ZKSCAN2: variants seen among roughly 807,000 people sequenced by gnomAD.
The protein encoded by ZKSCAN2 is zinc finger with KRAB and SCAN domains 2.
In ZKSCAN2, 38 loss-of-function variants were observed where a neutral mutation model predicts 90.5. The observed-to-expected ratio is 0.42, with a 90% CI of 0.32 to 0.55. The LOEUF (loss-of-function observed/expected upper bound fraction) is 0.55. Among genes scored for constraint, ZKSCAN2 ranks in the 20% least tolerant of loss-of-function variants. The pLI is 0.11. For missense variants in ZKSCAN2, 1,167 were observed against 1,202.6 expected (o/e 0.97, Z 0.44); for synonymous variants, 429 against 421.6 (o/e 1.02, Z -0.22).
rs762967904 is a variant in ZKSCAN2 at position 25,256,821 on chromosome 16, C to T, written c.307G>A (p.Ala103Thr). Residue 103 changes from alanine (A) to threonine (T), a missense_variant, in exon 1 of 7, where the codon GCT (alanine) becomes ACT (threonine). Ala to Thr is a moderately conservative substitution (Grantham distance 58, BLOSUM62 0). Transcript: ENST00000328086. ...FLTILPEKIQ[A>T]WAQKQCPQSG... ...TGCGGACACTGCTTCTGTGCCCAAGCCTGAATCTTCTCGGGTAAAATGGTG... is the reference window on the plus strand; with the variant it reads ...TGCGGACACTGCTTCTGTGCCCAAGTCTGAATCTTCTCGGGTAAAATGGTG... 17 of 1,614,220 alleles carry T rather than the reference C, an allele frequency of 1.1e-5. No individual in the cohort carries two copies. The highest frequency in any genetic ancestry group is 1.6e-4 in the Middle Eastern group (1 of 6,062).
At chr16:25,243,270 C>G (rs568825015) in intron 6 of ZKSCAN2, among the ~76,000 whole-genome samples, 1 of 152,186 alleles carries the variant, frequency 6.6e-6, no homozygotes, top group Non-Finnish European at 1.5e-5. Context: ...AGGCTGAGAA[C>G]CCAAGGACTG....
chr16:25,242,716 T>G (rs190693507), intron 6 of ZKSCAN2, among the ~76,000 whole-genome samples: 2 of 151,866 alleles, frequency 1.3e-5, no homozygotes, highest in Non-Finnish European at 2.9e-5. Flanking sequence ...ATAAGCAGAG[T>G]TGAGGAAGGA....
intron 1 of ZKSCAN2, 54 bp from the exon 2 acceptor site, chr16:25,255,446 C>A: frequency 5.2e-6 from 8 of 1,534,820 alleles, no homozygotes; most frequent in East Asian, 2.3e-5. Context: ...CATATCAGGG[C>A]GAAATTCTCC....
Position 25,239,967 on chromosome 16 carries a change from G to A in ZKSCAN2, c.2753C>T (p.Ala918Val). The change falls in exon 7 of 7, where the codon GCC becomes GTC. Residue 918 changes from alanine (A) to valine (V), a missense_variant. Ala to Val is a moderately conservative substitution (Grantham distance 64). Transcript: ENST00000328086. ...IHTGEKPYGC[A>V]QCGKRFSKSS... ...CTTACTGAAACGTTTGCCACACTGG[G>A]CACATCCATAGGGCTTCTCTCCAGT... 6.2e-7 allele frequency: 1 copy of A among 1,614,146 alleles called. No homozygotes were observed. Among genetic ancestry groups the A allele is most frequent in the Non-Finnish European group, 8.5e-7 (1 of 1,180,034 alleles).
rs1597636640 is a variant in ZKSCAN2, at chr16:25,237,596, C to G, written c.*2220G>C. ...CTGAGCTCCTGGCCTTCTGTAACTG[C>G]CATGGTGTAAGTGGCCCCAACTTTT... is the stretch of plus-strand genomic sequence containing the variant. On this transcript the variant is annotated 3_prime_UTR_variant, in exon 7 of 7. Transcript: ENST00000328086. 6.6e-6 allele frequency: 1 copy of G among 152,160 alleles called. No homozygotes were observed. The highest frequency in any genetic ancestry group is 2.4e-5 in the African/African-American group (1 of 41,428). 9.4% of individuals were successfully genotyped at this position (152,160 alleles called of 1,614,324 possible).
rs1962939019 is a variant in ZKSCAN2 at position 25,246,757 on chromosome 16, A to C, written c.1439T>G (p.Ile480Ser). The change falls in exon 5 of 7, where the codon ATC becomes AGC. Residue 480 changes from isoleucine (I) to serine (S), a missense_variant. Transcript: ENST00000328086. ...SDDDEIGIEF[I>S]RKSEIHGAPV... The stretch of plus-strand genomic sequence containing the variant: ...GGCACCATGGATTTCAGACTTGCGG[A>C]TAAATTCGATGCCTATTTCATCATC... The C allele has an allele frequency of 1.2e-6, 2 of 1,614,116 alleles. No individual in the cohort carries two copies. The highest frequency in any genetic ancestry group is 1.7e-5 in the Admixed American group (1 of 60,006).
At chr16:25,256,465 T>C (rs1009075660) in intron 1 of ZKSCAN2, among the ~76,000 whole-genome samples, 7 of 152,094 alleles carry the variant, frequency 4.6e-5, no homozygotes, top group East Asian at 1.9e-4. Context: ...ATGCCAAAGA[T>C]GACGATAAAT....
In ZKSCAN2 at chr16:25,238,761, G is replaced by A. The variant is rs1414335099; in HGVS notation, c.*1055C>T. On this transcript the variant is annotated 3_prime_UTR_variant, in exon 7 of 7. Transcript: ENST00000328086. ...ATCTGATCGACAGCAGGCCAAAGGA[G>A]TCCAACTGGTCTTAGAAATGCTTCA... The A allele has an allele frequency of 6.6e-6, 1 of 152,222 alleles. No individual in the cohort carries two copies. Among genetic ancestry groups the A allele is most frequent in the African/African-American group, 2.4e-5 (1 of 41,448 alleles). 9.4% of individuals were successfully genotyped at this position (152,222 alleles called of 1,614,324 possible). A position where few individuals can be genotyped will look rare whatever the true frequency, so the allele number is the denominator to read the frequency against.
Position 25,240,178 on chromosome 16 carries a change from T to C in ZKSCAN2, c.2542A>G (p.Ile848Val). The change falls in exon 7 of 7, where the codon ATA (isoleucine) becomes GTA (valine). Residue 848 changes from isoleucine to valine, a missense_variant. Physicochemically the swap from Ile to Val is conservative, Grantham distance 29. Transcript: ENST00000328086. ...KCFSQSSSLIIHQRTHTGEKP... is the reference protein window; with the variant it reads ...KCFSQSSSLIVHQRTHTGEKP... Reference sequence around the variant, plus strand: ...TCACCGGTGTGCGTTCTCTGATGTATAATAAGACTAGAGCTCTGACTAAAG... The same window carrying C: ...TCACCGGTGTGCGTTCTCTGATGTACAATAAGACTAGAGCTCTGACTAAAG... 6.2e-7 allele frequency: 1 copy of C among 1,614,132 alleles called. No individual in the cohort carries two copies. Among genetic ancestry groups the C allele is most frequent in the South Asian group, 1.1e-5 (1 of 91,074 alleles).
At chr16:25,245,310 G>T (rs184826833) in intron 5 of ZKSCAN2, among the ~76,000 whole-genome samples, 34 of 152,144 alleles carry the variant, frequency 2.2e-4, no homozygotes, top group African/African-American at 7.9e-4. Context: ...TCGCTGTGTT[G>T]CCCAGCTGCT....
intron 4 of ZKSCAN2, among the ~76,000 whole-genome samples, chr16:25,251,393 T>C (rs1471499545): frequency 1.3e-5 from 2 of 152,176 alleles, no homozygotes; most frequent in Non-Finnish European, 2.9e-5. Flanking sequence ...TTTTCGTAAG[T>C]ATTTATTGAA....
At position 25,251,620 on chromosome 16, in the gene ZKSCAN2, A is replaced by T. The variant is rs72771356; in HGVS notation, c.805+289T>A. On this transcript the variant is annotated intron_variant, in intron 4 of 6. Coordinates refer to ENST00000328086, the MANE Select transcript of ZKSCAN2 (RefSeq NM_001012981.5). ...AAGTTTCTTAAGCTCTCTAAGCCTC[A>T]GTTTCCTAAGGAATAATACCATTTA... Among the ~76,000 whole-genome samples the T allele has an allele frequency of 7.4e-3, 1,127 of 152,332 alleles. 4 individuals are homozygous for T. Among genetic ancestry groups the T allele is most frequent in the Non-Finnish European group, 0.012 (810 of 68,032 alleles).
At position 25,239,626 on chromosome 16, in the gene ZKSCAN2, A is replaced by G. The variant is rs981842484; in HGVS notation, c.*190T>C. ...CGCCACATTCTTAAAGGAGAAGCTGAGACACACAGAAGAGGAGGAACAGAC... is the reference window on the plus strand; with the variant it reads ...CGCCACATTCTTAAAGGAGAAGCTGGGACACACAGAAGAGGAGGAACAGAC... On this transcript the variant is annotated 3_prime_UTR_variant, in exon 7 of 7. Transcript: ENST00000328086. 1.5e-4 allele frequency: 79 copies of G among 542,268 alleles called. No individual in the cohort carries two copies. Among genetic ancestry groups the G allele is most frequent in the Non-Finnish European group, 2.5e-4 (77 of 310,962 alleles). 33.6% of individuals were successfully genotyped at this position (542,268 alleles called of 1,614,324 possible).
chr16:25,241,994 G>C (rs769613241), intron 6 of ZKSCAN2, among the ~76,000 whole-genome samples: 1 of 152,076 alleles, frequency 6.6e-6, no homozygotes, highest in Non-Finnish European at 1.5e-5. Context: ...CTCAACCCCA[G>C]AAGTTGCTGG....
At position 25,257,490 on chromosome 16, in the gene ZKSCAN2, G is replaced by T. The variant is rs1963126952; in HGVS notation, c.-363C>A. The T allele has an allele frequency of 2.0e-6, 2 of 1,006,372 alleles. No homozygotes were observed. The highest frequency in any genetic ancestry group is 1.2e-6 in the Non-Finnish European group (1 of 844,580). 62.3% of individuals were successfully genotyped at this position (1,006,372 alleles called of 1,614,324 possible). A position where few individuals can be genotyped will look rare whatever the true frequency, so the allele number is the denominator to read the frequency against. On this transcript the variant is annotated 5_prime_UTR_variant, in exon 1 of 7. Transcript: ENST00000328086. ...GCGGAGGCGGACAGCCGGGCCGGGA[G>T]GGGGTGTGTCCGCTACTCCCGGGTC...
At position 25,243,920 on chromosome 16, in the gene ZKSCAN2, G is replaced by A. The variant is rs2141361808; in HGVS notation, c.1846C>T (p.Pro616Ser). 6.2e-7 allele frequency: 1 copy of A among 1,614,126 alleles called. No individual in the cohort carries two copies. The highest frequency in any genetic ancestry group is 2.2e-5 in the East Asian group (1 of 44,874). The change falls in exon 6 of 7, where the codon CCT (proline) becomes TCT (serine). Residue 616 changes from proline to serine, a missense_variant. Pro to Ser is a moderately conservative substitution (Grantham distance 74, BLOSUM62 -1). Transcript: ENST00000328086. ...GTCTCTTCAGGTTCCCAGCCTGTAGGTTCCTGGGGTTCAACCTCAATACCC... is the reference window on the plus strand; with the variant it reads ...GTCTCTTCAGGTTCCCAGCCTGTAGATTCCTGGGGTTCAACCTCAATACCC... ...RGGIEVEPQE[P>S]TGWEPEETSQ...
intron 5 of ZKSCAN2, among the ~76,000 whole-genome samples, chr16:25,244,545 C>T (rs1382626531): frequency 6.6e-6 from 1 of 152,162 alleles, no homozygotes; most frequent in African/African-American, 2.4e-5. Flanking sequence ...AATCTATAGT[C>T]AAAATCCCAT....
At position 25,255,308 on chromosome 16, in the gene ZKSCAN2, T is replaced by C. The variant is rs1567354888; in HGVS notation, c.484A>G (p.Thr162Ala). The change falls in exon 2 of 7, where the codon ACC (threonine) becomes GCC (alanine). Residue 162 changes from threonine to alanine, a missense_variant. Transcript: ENST00000328086. ...VADFQPEQVE[T>A]QPRAVSREEP... is the part of the protein sequence containing the mutation. ...TCCCGAGACACCGCCCTGGGTTGGG[T>C]CTCCACCTGCTCTGGCTGGAAGTCT... is the stretch of plus-strand genomic sequence containing the variant. The C allele has an allele frequency of 5.6e-6, 9 of 1,613,596 alleles. No individual in the cohort carries two copies. The highest frequency in any genetic ancestry group is 7.6e-6 in the Non-Finnish European group (9 of 1,179,884).
Position 25,246,787 on chromosome 16 carries a change from G to A in ZKSCAN2, c.1409C>T (p.Ser470Phe), listed in dbSNP as rs140368025. ...LVEEEEAAED[S>F]DDDEIGIEFI... ...TTCGATGCCTATTTCATCATCATCAGAATCTTCTGCAGCTTCCTCCTCCTC... is the reference window on the plus strand; with the variant it reads ...TTCGATGCCTATTTCATCATCATCAAAATCTTCTGCAGCTTCCTCCTCCTC... Residue 470 changes from serine (S) to phenylalanine (F), a missense_variant, in exon 5 of 7, where the codon TCT (serine) becomes TTT (phenylalanine). Physicochemically the swap from Ser to Phe is radical, Grantham distance 155 (BLOSUM62 -2). Transcript: ENST00000328086. The A allele has an allele frequency of 2.5e-6, 4 of 1,614,192 alleles. No homozygotes were observed. The East Asian group carries it at 8.9e-5, about 36-fold the overall frequency.
Sources: gnomAD v4.1 joint callset for allele counts (sites outside exome capture counted in the v4.1 genomes callset) on GRCh38, gnomAD v4.1.1 for gene constraint, MANE v1.5 for transcripts, NCBI Gene and HGNC (gene_info 2026-07-23, HGNC 2026-07-21) for gene names.